SSH2: variants seen among roughly 807,000 people sequenced by gnomAD.
SSH2 encodes the protein slingshot protein phosphatase 2, also known as protein phosphatase Slingshot homolog 2.
A neutral mutation model predicts 135.2 loss-of-function variants in SSH2; 37 were observed. The ratio of observed to expected loss-of-function variants is 0.27; its 90% confidence interval spans 0.21 to 0.36. SSH2 has a LOEUF of 0.36. SSH2 is among the 10% of genes least tolerant of loss of function. The probability of loss-of-function intolerance (pLI) is 1.00; values close to 1 mark genes in which losing one functional copy is unlikely to be tolerated. For synonymous variants in SSH2, 628 were observed against 646.2 expected (o/e 0.97, Z 0.43); for missense variants, 1,408 against 1,765.3 (o/e 0.80, Z 3.63).
At chr17:29,637,532 C>A (rs1442489961) in intron 14 of SSH2, among the ~76,000 whole-genome samples, 2 of 152,168 alleles carry the variant, frequency 1.3e-5, no homozygotes, top group Non-Finnish European at 2.9e-5. Context: ...GTAATCTCAG[C>A]ACTTCATGGG....
intron 1 of SSH2, chr17:29,856,240 C>A: frequency 3.3e-6 from 1 of 304,844 alleles, no homozygotes; most frequent in East Asian, 1.0e-4. Context: ...TTTGATTTAG[C>A]AATCCACAAC....
intron 14 of SSH2, among the ~76,000 whole-genome samples, chr17:29,646,177 T>G (rs576248503): frequency 6.6e-6 from 1 of 152,338 alleles, no homozygotes; most frequent in African/African-American, 2.4e-5. Flanking sequence ...ACTTAATATC[T>G]GATGCTTGTT....
At chr17:29,894,187 GTA>G (rs145213154) in intron 1 of SSH2, among the ~76,000 whole-genome samples, 498 of 152,124 alleles carry the variant, frequency 3.3e-3, no homozygotes, top group Non-Finnish European at 6.0e-3. Flanking sequence ...TAATTCCTAA[GTA>G]CTAAATGACA....
At chr17:29,783,318 TTATATA>T (rs372884691) in intron 3 of SSH2, among the ~76,000 whole-genome samples, 4 of 142,126 alleles carry the variant, frequency 2.8e-5, no homozygotes, top group Admixed American at 2.2e-4. Flanking sequence ...ATAACATATA[TTATATA>T]TATATATATA....
At chr17:29,910,408 T>C (rs1056632147) in intron 1 of SSH2, among the ~76,000 whole-genome samples, 1 of 152,236 alleles carries the variant, frequency 6.6e-6, no homozygotes, top group Admixed American at 6.5e-5. Context: ...GCAATATTTA[T>C]GCCTTACTCT....
intron 1 of SSH2, among the ~76,000 whole-genome samples, chr17:29,877,641 T>C (rs1227680959): frequency 6.6e-6 from 1 of 152,116 alleles, no homozygotes; most frequent in East Asian, 1.9e-4. Context: ...AAACATCTTG[T>C]ATTCTCATTT....
intron 2 of SSH2, among the ~76,000 whole-genome samples, chr17:29,835,299 T>C (rs2042924121): frequency 6.6e-6 from 1 of 152,216 alleles, no homozygotes; most frequent in Admixed American, 6.5e-5. Context: ...AAGAACTCTG[T>C]TGGAAAACCC....
At chr17:29,897,037 T>C (rs1383125592) in intron 1 of SSH2, among the ~76,000 whole-genome samples, 3 of 151,946 alleles carry the variant, frequency 2.0e-5, no homozygotes, top group Non-Finnish European at 4.4e-5. Context: ...TATATTTATA[T>C]AATTTCTATG....
chr17:29,809,743 A>G (rs1436971322), intron 2 of SSH2, among the ~76,000 whole-genome samples: 1 of 152,022 alleles, frequency 6.6e-6, no homozygotes, highest in Non-Finnish European at 1.5e-5. Flanking sequence ...TTTTTTTTAG[A>G]GACAGGGTCT....
chr17:29,824,904 T>C (rs1433092060), intron 2 of SSH2, among the ~76,000 whole-genome samples: 2 of 152,184 alleles, frequency 1.3e-5, no homozygotes, highest in African/African-American at 4.8e-5. Context: ...TATCTTTCCA[T>C]TAGGGTGGCT....
rs192002164 is a variant in SSH2 at position 29,733,663 on chromosome 17, A to G, written c.189-30601T>C. Among the ~76,000 whole-genome samples the G allele has an allele frequency of 2.6e-5, 4 of 152,334 alleles. No homozygotes were observed. In the East Asian group the frequency reaches 5.8e-4, roughly 22 times the overall value. On this transcript the variant is annotated intron_variant, in intron 3 of 15. Coordinates refer to ENST00000540801, the MANE Select transcript of SSH2 (RefSeq NM_001282129.2). Reference sequence around the variant, plus strand: ...CAGAAACTTAACATAGTTCATATGCATTTATGTATTCATTTTCCAATATTT... The same window carrying G: ...CAGAAACTTAACATAGTTCATATGCGTTTATGTATTCATTTTCCAATATTT...
chr17:29,670,142 A>G (rs1247923627), intron 9 of SSH2, among the ~76,000 whole-genome samples: 1 of 152,040 alleles, frequency 6.6e-6, no homozygotes, highest in African/African-American at 2.4e-5. Context: ...TTGGCCTCCC[A>G]AAGTGCTGAG....
chr17:29,899,710 T>A (rs1044421275), intron 1 of SSH2, among the ~76,000 whole-genome samples: 40 of 152,116 alleles, frequency 2.6e-4, no homozygotes, highest in African/African-American at 9.7e-4. Context: ...CTGCCCAAGG[T>A]AATTTATAGA....
chr17:29,694,587 C>G (rs747165547), intron 5 of SSH2, among the ~76,000 whole-genome samples: 1 of 152,054 alleles, frequency 6.6e-6, no homozygotes, highest in Non-Finnish European at 1.5e-5. Flanking sequence ...GAGAATCGAT[C>G]GAACCTGGGA....
intron 3 of SSH2, among the ~76,000 whole-genome samples, chr17:29,789,088 GA>G (rs1419281298): frequency 6.6e-6 from 1 of 152,204 alleles, no homozygotes; most frequent in African/African-American, 2.4e-5. Context: ...GTATTTTGTG[GA>G]AGGTAGAACT....
intron 1 of SSH2, among the ~76,000 whole-genome samples, chr17:29,855,522 A>G (rs2065647396): frequency 6.6e-6 from 1 of 152,074 alleles, no homozygotes; most frequent in South Asian, 2.1e-4. Flanking sequence ...AAAAAGAAAA[A>G]TATACTATCA....
intron 1 of SSH2, among the ~76,000 whole-genome samples, chr17:29,913,362 A>AAT (rs2066819232): frequency 1.1e-5 from 1 of 91,408 alleles, no homozygotes; most frequent in Non-Finnish European, 2.2e-5. Flanking sequence ...ATATATATAT[A>AAT]TATATATATA....
In SSH2 at chr17:29,695,612, G is replaced by T. The variant is rs562274089; in HGVS notation, c.293-89C>A. ...TTCTACTTTAGTGACTTTTGTAAAA[G>T]AAAGTTCTGATTCATTAAAGGACTC... is the stretch of plus-strand genomic sequence containing the variant. On this transcript the variant is annotated intron_variant, in intron 4 of 15. Transcript: ENST00000540801. 9 of 1,153,314 alleles carry T rather than the reference G, an allele frequency of 7.8e-6. No individual in the cohort carries two copies. In the Admixed American group the frequency reaches 1.6e-4, roughly 20 times the overall value. The allele number at this position is 1,153,314 out of a possible 1,614,324, so 71.4% of individuals were successfully genotyped here. A position where few individuals can be genotyped will look rare whatever the true frequency, so the allele number is the denominator to read the frequency against.
At chr17:29,703,733 C>G (rs1297795702) in intron 3 of SSH2, among the ~76,000 whole-genome samples, 1 of 152,036 alleles carries the variant, frequency 6.6e-6, no homozygotes, top group African/African-American at 2.4e-5. Flanking sequence ...AGCGAGCCAC[C>G]ACGACCAGCT....
Sources: gnomAD v4.1 joint callset for allele counts (sites outside exome capture counted in the v4.1 genomes callset) on GRCh38, gnomAD v4.1.1 for gene constraint, MANE v1.5 for transcripts, NCBI Gene and HGNC (gene_info 2026-07-23, HGNC 2026-07-21) for gene names.